CASK: variants seen among roughly 807,000 people sequenced by gnomAD.
The protein encoded by CASK is peripheral plasma membrane protein CASK.
A neutral mutation model predicts 82.9 loss-of-function variants in CASK; 4 were observed. That is an observed-to-expected ratio of 0.05 (90% CI 0.02 to 0.11). The LOEUF is 0.11. Ranked by LOEUF, CASK falls within the 10% of genes least tolerant of loss-of-function variation. The pLI is 1.00. For missense variants in CASK, 358 were observed against 720.9 expected (o/e 0.50, Z 5.76); for synonymous variants, 259 against 253.5 (o/e 1.02, Z -0.20).
At chrX:41,672,286 T>C (rs1190280896) in intron 5 of CASK, among the ~76,000 whole-genome samples, 3 of 111,012 alleles carry the variant, frequency 2.7e-5, no homozygotes. Context: ...TGCTTTGTGA[T>C]AACAATGAGG....
chrX:41,872,974 A>G (rs2071731456), intron 1 of CASK, among the ~76,000 whole-genome samples: 1 of 111,403 alleles, frequency 9.0e-6, no homozygotes, highest in East Asian at 2.8e-4. Flanking sequence ...GTGTCCTCAT[A>G]TAATCAAATA....
intron 3 of CASK, among the ~76,000 whole-genome samples, chrX:41,776,004 G>A (rs1213488052): frequency 1.8e-5 from 2 of 109,120 alleles, no homozygotes; most frequent in Non-Finnish European, 3.8e-5. Context: ...CCTGCACATT[G>A]TGCACATGTA....
chrX:41,592,445 A>C (rs1340793912), intron 12 of CASK, among the ~76,000 whole-genome samples: 8 of 111,199 alleles, frequency 7.2e-5, no homozygotes, highest in Non-Finnish European at 1.3e-4. Context: ...TTTTCTCACA[A>C]AGAAAAAATA....
intron 2 of CASK, among the ~76,000 whole-genome samples, chrX:41,839,002 C>T (rs1455915645): frequency 3.6e-5 from 4 of 111,449 alleles, no homozygotes; most frequent in African/African-American, 9.8e-5. Context: ...TCTGTTCCAT[C>T]AAGCTACGTG....
Position 41,520,398 on chromosome X carries a change from G to A in CASK, c.*22C>T. On this transcript the variant is annotated 3_prime_UTR_variant, in exon 27 of 27. Coordinates refer to ENST00000378163, the MANE Select transcript of CASK (RefSeq NM_001367721.1). The stretch of plus-strand genomic sequence containing the variant: ...CCACAAATGAGGTGCTCCCAGTTAT[G>A]CTCAGATATCTGGGGAGAGGCCTAA... 8.5e-7 allele frequency: 1 copy of A among 1,171,598 alleles called. No homozygotes were observed. The highest frequency in any genetic ancestry group is 1.2e-6 in the Non-Finnish European group (1 of 861,446).
chrX:41,841,710 G>T, intron 2 of CASK, among the ~76,000 whole-genome samples: 1 of 110,629 alleles, frequency 9.0e-6, no homozygotes. Context: ...TTTTAGTAGA[G>T]ACAGGGTTTT....
Position 41,517,721 on chromosome X carries a change from C to A in CASK, c.*2699G>T. 1 of 590,935 alleles carries A rather than the reference C, an allele frequency of 1.7e-6. No individual in the cohort carries two copies. 48.7% of individuals were successfully genotyped at this position (590,935 alleles called of 1,213,427 possible). A position where few individuals can be genotyped will look rare whatever the true frequency, so the allele number is the denominator to read the frequency against. On this transcript the variant is annotated 3_prime_UTR_variant, in exon 27 of 27. Transcript: ENST00000378163. The stretch of plus-strand genomic sequence containing the variant: ...TGATGGAATGGAAGCAGTAAAGAAG[C>A]TTTTAGCAATTTTCTCTGATTGCTT...
rs1164823504 is a variant in CASK at position 41,622,611 on chromosome X, A to G, written c.1033+6T>C. The G allele has an allele frequency of 8.4e-7, 1 of 1,196,270 alleles. No homozygotes were observed. Among genetic ancestry groups the G allele is most frequent in the Non-Finnish European group, 1.1e-6 (1 of 884,322 alleles). ...ACACCTTAAAGGAAAACAAAGGGAT[A>G]CCTACTTTCTGCTGCTAGAAGTCCT... On this transcript the variant is annotated splice_donor_region_variant and intron_variant, in intron 11 of 26. Coordinates refer to ENST00000378163, the MANE Select transcript of CASK (RefSeq NM_001367721.1).
chrX:41,647,140 T>C (rs1192254301), intron 8 of CASK, among the ~76,000 whole-genome samples: 2 of 112,000 alleles, frequency 1.8e-5, no homozygotes, highest in African/African-American at 6.5e-5. Flanking sequence ...GATCAAAAAT[T>C]GGCAAATCAA....
At chrX:41,541,258 T>C (rs2056011224) in intron 22 of CASK, among the ~76,000 whole-genome samples, 1 of 112,113 alleles carries the variant, frequency 8.9e-6, no homozygotes, top group African/African-American at 3.2e-5. Context: ...AGACAGGGTA[T>C]TGCTGTTGCC....
chrX:41,877,050 A>T (rs1437653898), intron 1 of CASK, among the ~76,000 whole-genome samples: 1 of 111,494 alleles, frequency 9.0e-6, no homozygotes, highest in Non-Finnish European at 1.9e-5. Context: ...CAGTTTCCTC[A>T]TTTTTAATAG....
intron 6 of CASK, among the ~76,000 whole-genome samples, chrX:41,669,960 G>A (rs1252307671): frequency 8.9e-6 from 1 of 112,052 alleles, no homozygotes; most frequent in Non-Finnish European, 1.9e-5. Flanking sequence ...CAGATGAACG[G>A]TTATCATACG....
At chrX:41,904,799 G>A (rs1164052113) in intron 1 of CASK, among the ~76,000 whole-genome samples, 1 of 111,320 alleles carries the variant, frequency 9.0e-6, no homozygotes, top group Non-Finnish European at 1.9e-5. Context: ...GTGTCTGTGT[G>A]GGCTCAATGT....
chrX:41,863,113 C>A (rs2071524529), intron 1 of CASK, among the ~76,000 whole-genome samples: 1 of 111,990 alleles, frequency 8.9e-6, no homozygotes, highest in African/African-American at 3.3e-5. Context: ...AAGAAGTTTA[C>A]ATAGATTCTT....
rs73472556 is a variant in CASK at position 41,892,213 on chromosome X, T to C, written c.59+30717A>G. ...GTCTCAAAAAAAGACACAAAATAGT[T>C]CAACGAGAATTTTTTTTTTTTTTTT... On this transcript the variant is annotated intron_variant, in intron 1 of 26. Transcript: ENST00000378163. Among the ~76,000 whole-genome samples the C allele has an allele frequency of 4.8e-3, 510 of 107,230 alleles. 4 individuals are homozygous for C. The highest frequency in any genetic ancestry group is 0.017 in the African/African-American group (496 of 29,542). The allele number at this position is 107,230 out of a possible 115,157, so 93.1% of individuals were successfully genotyped here.
intron 1 of CASK, among the ~76,000 whole-genome samples, chrX:41,905,352 C>A (rs1355782619): frequency 2.7e-5 from 3 of 112,063 alleles, no homozygotes; most frequent in Non-Finnish European, 3.8e-5. Flanking sequence ...TACATTCCCA[C>A]CAACGTACGA....
chrX:41,837,826 A>G (rs1462915623), intron 2 of CASK, among the ~76,000 whole-genome samples: 1 of 112,038 alleles, frequency 8.9e-6, no homozygotes, highest in African/African-American at 3.2e-5. Flanking sequence ...TACTGTGAAC[A>G]TAAGTTTTCA....
intron 6 of CASK, among the ~76,000 whole-genome samples, chrX:41,668,812 C>G (rs1298811974): frequency 9.1e-6 from 1 of 110,073 alleles, no homozygotes; most frequent in Non-Finnish European, 1.9e-5. Context: ...GCGATCTCAG[C>G]TCACTGCAGC....
At chrX:41,580,716 T>C (rs1309515596) in intron 14 of CASK, among the ~76,000 whole-genome samples, 1 of 111,942 alleles carries the variant, frequency 8.9e-6, no homozygotes, top group African/African-American at 3.2e-5. Flanking sequence ...ACTTACAGAC[T>C]ATCTTTTTAA....
Sources: gnomAD v4.1 joint callset for allele counts (sites outside exome capture counted in the v4.1 genomes callset) on GRCh38, gnomAD v4.1.1 for gene constraint, MANE v1.5 for transcripts, NCBI Gene and HGNC (gene_info 2026-07-23, HGNC 2026-07-21) for gene names.